LPP: variants seen among roughly 807,000 people sequenced by gnomAD.
The protein encoded by LPP is lipoma-preferred partner.
A neutral mutation model predicts 60.4 loss-of-function variants in LPP; 38 were observed. The ratio of observed to expected loss-of-function variants is 0.63; its 90% CI spans 0.49 to 0.83. LPP has a LOEUF of 0.83. Ranked by LOEUF, LPP falls within the 40% of genes least tolerant of loss-of-function variation. LPP has a pLI of 0.00. For synonymous variants in LPP, 328 were observed against 290.8 expected (o/e 1.13, Z -1.30); for missense variants, 902 against 783.6 (o/e 1.15, Z -1.80).
In LPP at chr3:188,353,328, G is replaced by A. The variant is rs545974745; in HGVS notation, c.-10+11609G>A. Among the ~76,000 whole-genome samples the A allele has an allele frequency of 2.6e-5, 4 of 152,178 alleles. No individual in the cohort carries two copies. In the South Asian group the frequency reaches 6.2e-4, roughly 24 times the overall value. On this transcript the variant is annotated intron_variant, in intron 3 of 11. Coordinates refer to ENST00000617246, the MANE Select transcript of LPP (RefSeq NM_001375462.1). ...TGTTGAGTTGAACTTAGTTGGATTC[G>A]GATGACCTCTAAAAAATGTTTACTA...
chr3:188,365,426 AAGTTTACCGTCACTTTTAG>A (rs1482867359), intron 3 of LPP, among the ~76,000 whole-genome samples: 1 of 152,192 alleles, frequency 6.6e-6, no homozygotes, highest in Non-Finnish European at 1.5e-5. Flanking sequence ...AGCTGATTTT[AAGTTTACCGTCACTTTTAG>A]TATGTGACTT....
At chr3:188,319,775 G>A (rs1207840688) in intron 2 of LPP, among the ~76,000 whole-genome samples, 3 of 152,178 alleles carry the variant, frequency 2.0e-5, no homozygotes, top group African/African-American at 7.2e-5. Context: ...TATCATTGGT[G>A]TAACATGACT....
chr3:188,320,369 G>C (rs1200258459), intron 2 of LPP, among the ~76,000 whole-genome samples: 1 of 152,168 alleles, frequency 6.6e-6, no homozygotes, highest in Non-Finnish European at 1.5e-5. Flanking sequence ...GTTGCGATTT[G>C]CTACAGCCTG....
chr3:188,205,029 C>T (rs1732776849), intron 1 of LPP, among the ~76,000 whole-genome samples: 1 of 152,130 alleles, frequency 6.6e-6, no homozygotes, highest in South Asian at 2.1e-4. Flanking sequence ...TTATTGGGCA[C>T]CTTTTTTGCC....
intron 2 of LPP, among the ~76,000 whole-genome samples, chr3:188,251,203 G>A (rs1029817296): frequency 6.8e-6 from 1 of 146,056 alleles, no homozygotes; most frequent in African/African-American, 2.6e-5. Flanking sequence ...AATTATTTTG[G>A]CCCTCAAATT....
chr3:188,277,236 G>A lies in LPP; in HGVS notation c.-67+51709G>A, dbSNP rs149991359. Among the ~76,000 whole-genome samples, 99 of 152,102 alleles carry A rather than the reference G, an allele frequency of 6.5e-4. 1 individual carries two copies. The highest frequency in any genetic ancestry group is 2.2e-3 in the African/African-American group (93 of 41,498). ...TTTCTTTTAAATTACCCAATCTCGG[G>A]TATTTCTTTATAGCAGGGCAAGAAT... is the stretch of plus-strand genomic sequence containing the variant. On this transcript the variant is annotated intron_variant, in intron 2 of 11. Transcript: ENST00000617246.
intron 2 of LPP, among the ~76,000 whole-genome samples, chr3:188,262,089 G>A (rs1029742683): frequency 1.3e-5 from 2 of 152,100 alleles, no homozygotes; most frequent in Non-Finnish European, 2.9e-5. Context: ...CATGGGATTC[G>A]GCTCTCTCCC....
intron 6 of LPP, among the ~76,000 whole-genome samples, chr3:188,562,058 C>G (rs965509646): frequency 2.6e-5 from 4 of 151,732 alleles, no homozygotes; most frequent in Non-Finnish European, 4.4e-5. Flanking sequence ...CACACAGACA[C>G]ACACAGACAC....
chr3:188,316,123 A>G (rs1754975312), intron 2 of LPP, among the ~76,000 whole-genome samples: 1 of 152,102 alleles, frequency 6.6e-6, no homozygotes, highest in Admixed American at 6.5e-5. Context: ...AAAAAATACA[A>G]AAAAACCAGC....
intron 4 of LPP, among the ~76,000 whole-genome samples, chr3:188,410,131 C>T (rs1784559772): frequency 1.3e-5 from 2 of 152,290 alleles, no homozygotes; most frequent in Non-Finnish European, 2.9e-5. Flanking sequence ...TTTCCCTCAA[C>T]AGCACCTAGC....
chr3:188,755,112 A>G (rs1380101471), intron 8 of LPP, among the ~76,000 whole-genome samples: 1 of 152,236 alleles, frequency 6.6e-6, no homozygotes. Flanking sequence ...GAATGCTGAT[A>G]TATCATACAA....
At chr3:188,641,727 T>C (rs1198329143) in intron 7 of LPP, among the ~76,000 whole-genome samples, 1 of 152,220 alleles carries the variant, frequency 6.6e-6, no homozygotes, top group East Asian at 1.9e-4. Context: ...TCTTTTCTTC[T>C]TTGTTTTCTT....
intron 2 of LPP, among the ~76,000 whole-genome samples, chr3:188,281,225 A>G (rs1411857485): frequency 1.3e-5 from 2 of 152,194 alleles, no homozygotes; most frequent in Admixed American, 6.5e-5. Flanking sequence ...AAAGCCTTTT[A>G]CATATGTATG....
rs536730253 is a variant in LPP at position 188,700,365 on chromosome 3, G to A, written c.1114-7902G>A. Among the ~76,000 whole-genome samples, 6 of 152,258 alleles carry A rather than the reference G, an allele frequency of 3.9e-5. No individual in the cohort carries two copies. The East Asian group carries it at 9.7e-4, about 25-fold the overall frequency. ...AGGTCAGCCCCAGAGGAACTCAGGG[G>A]GCTGACATTGCGACAGATAGTGGGT... On this transcript the variant is annotated intron_variant, in intron 7 of 11. Transcript: ENST00000617246.
chr3:188,358,661 C>G (rs532574403), intron 3 of LPP, among the ~76,000 whole-genome samples: 27 of 152,186 alleles, frequency 1.8e-4, no homozygotes, highest in African/African-American at 6.3e-4. Context: ...TTAGCAGATT[C>G]TTTCCGAAAG....
chr3:188,452,334 G>C (rs527329197), intron 4 of LPP, among the ~76,000 whole-genome samples: 1 of 152,192 alleles, frequency 6.6e-6, no homozygotes, highest in South Asian at 2.1e-4. Context: ...CTGATAGCGT[G>C]TGGGCTCTGA....
rs184022866 is a variant in LPP, at chr3:188,726,815, G to A, written c.1240+18422G>A. ...CAAGCACATAGATGTAGGCATAATA[G>A]TTTGTGTTGCCAACATAACACATGC... On this transcript the variant is annotated intron_variant, in intron 8 of 11. Transcript: ENST00000617246. 7.2e-3 allele frequency among the ~76,000 whole-genome samples: 1,096 copies of A among 152,206 alleles called. 4 individuals carry two copies. Among genetic ancestry groups the A allele is most frequent in the Non-Finnish European group, 0.011 (720 of 68,000 alleles).
chr3:188,329,622 T>C (rs991154051), intron 2 of LPP, among the ~76,000 whole-genome samples: 4 of 152,048 alleles, frequency 2.6e-5, no homozygotes, highest in African/African-American at 9.7e-5. Context: ...ATTGAACTTT[T>C]TGGGAATAAT....
chr3:188,855,954 G>T (rs571659960), intron 9 of LPP, among the ~76,000 whole-genome samples: 1 of 152,266 alleles, frequency 6.6e-6, no homozygotes, highest in East Asian at 1.9e-4. Context: ...TTCTAGTTTA[G>T]TGCTGGGGTT....
Sources: gnomAD v4.1 joint callset for allele counts (sites outside exome capture counted in the v4.1 genomes callset) on GRCh38, gnomAD v4.1.1 for gene constraint, MANE v1.5 for transcripts, NCBI Gene and HGNC (gene_info 2026-07-23, HGNC 2026-07-21) for gene names.